The following KDM4B variants were observed in gnomAD, a reference collection of about 807,000 sequenced individuals.
KDM4B encodes lysine-specific demethylase 4B.
In KDM4B, 32 loss-of-function variants were observed where a neutral mutation model predicts 125.2. The ratio of observed to expected loss-of-function variants is 0.26; its 90% CI spans 0.19 to 0.34. The LOEUF (loss-of-function observed/expected upper bound fraction) is 0.34, where lower values mean the gene tolerates loss of function less well. KDM4B is among the 10% of genes least tolerant of loss of function. The probability of loss-of-function intolerance (pLI) is 1.00; values close to 1 mark genes in which losing one functional copy is unlikely to be tolerated. For missense variants in KDM4B, 1,190 were observed against 1,577.7 expected, an observed-to-expected ratio of 0.75 and a Z score of 4.16; for synonymous variants, 721 against 677.9, an observed-to-expected ratio of 1.06 and a Z score of -0.99.
In KDM4B at chr19:5,081,120, C is replaced by G. The variant is rs1248813441; in HGVS notation, c.781-1247C>G. 3.3e-5 allele frequency: 5 copies of G among 152,182 alleles called. No homozygotes were observed. The highest frequency in any genetic ancestry group is 3.3e-4 in the Admixed American group (5 of 15,280). The allele number at this position is 152,182 out of a possible 1,614,324, so 9.4% of individuals were successfully genotyped here. A position where few individuals can be genotyped will look rare whatever the true frequency, so the allele number is the denominator to read the frequency against. On this transcript the variant is annotated intron_variant, in intron 8 of 22. Transcript: ENST00000159111. The surrounding 1 kb of genome is among the most constrained non-coding windows in gnomAD (Gnocchi z 4.2). ...TCTGGATCAGTGGTTACGCCCAGAA[C>G]TCCGAGCAGCCTGTGATCCCTGCGT...
chr19:5,039,741 G>A (rs907009994), intron 3 of KDM4B, 95 bp from the exon 4 acceptor site: 3 of 1,387,794 alleles, frequency 2.2e-6, no homozygotes, highest in African/African-American at 2.9e-5. Flanking sequence ...AGATCTTGGG[G>A]GGTGCTGGTC....
At chr19:5,031,395 G>A (rs907279411) in intron 2 of KDM4B, among the ~76,000 whole-genome samples, 1 of 152,240 alleles carries the variant, frequency 6.6e-6, no homozygotes, top group Admixed American at 6.5e-5. Flanking sequence ...ACGTGGTCAC[G>A]TGCCGTGCAC....
At chr19:5,123,129 GC>G (rs1349855963) in intron 11 of KDM4B, among the ~76,000 whole-genome samples, 2 of 152,240 alleles carry the variant, frequency 1.3e-5, no homozygotes, top group Admixed American at 6.5e-5. Flanking sequence ...ACCCTCGTCT[GC>G]CCTGGAGGCA....
chr19:4,988,732 G>GT (rs1466453588), intron 1 of KDM4B, among the ~76,000 whole-genome samples: 2 of 152,176 alleles, frequency 1.3e-5, no homozygotes, highest in Non-Finnish European at 2.9e-5. Flanking sequence ...AGAGGGTTCC[G>GT]TGCTCTCCCC....
Position 5,047,514 on chromosome 19 carries a change from C to T in KDM4B, c.471C>T (p.Ile157=). ...GGAACATCGGGAGCCTCCGGACCAT[C>T]CTGGACATGGTGGAGCGCGAGTGCG... ...AQWNIGSLRT[I]LDMVERECGT... is the part of the protein sequence containing the mutation. The change falls in exon 6 of 23, where the codon ATC becomes ATT. Residue 157 remains isoleucine (I), a synonymous_variant. Transcript: ENST00000159111. 6.2e-7 allele frequency: 1 copy of T among 1,613,538 alleles called. No homozygotes were observed. The highest frequency in any genetic ancestry group is 1.1e-5 in the South Asian group (1 of 91,078).
At chr19:4,975,307 G>A (rs1313232882) in intron 1 of KDM4B, among the ~76,000 whole-genome samples, 7 of 152,140 alleles carry the variant, frequency 4.6e-5, no homozygotes, top group Non-Finnish European at 8.8e-5. Context: ...GGACACAAAC[G>A]TGAATTCCGT....
intron 2 of KDM4B, among the ~76,000 whole-genome samples, chr19:5,025,683 G>A (rs1176545035): frequency 2.0e-5 from 3 of 152,124 alleles, no homozygotes; most frequent in Admixed American, 2.0e-4. Context: ...CGGCCTCTGG[G>A]GCCTTAGCTC....
At chr19:5,138,788 G>T (rs1225605408) in intron 18 of KDM4B, among the ~76,000 whole-genome samples, 2 of 152,240 alleles carry the variant, frequency 1.3e-5, no homozygotes, top group Non-Finnish European at 2.9e-5. Context: ...CACCCGTCCT[G>T]TATAACTGAC....
chr19:5,057,369 G>A (rs775688005), intron 6 of KDM4B, among the ~76,000 whole-genome samples: 3 of 152,204 alleles, frequency 2.0e-5, no homozygotes, highest in Non-Finnish European at 2.9e-5. Context: ...TGGTGGCAGT[G>A]CACTCATTGT....
At position 5,137,948 on chromosome 19, in the gene KDM4B, A is replaced by T. The variant is rs775574989; in HGVS notation, c.2442-14A>T. 8 of 1,607,030 alleles carry T rather than the reference A, an allele frequency of 5.0e-6. No individual in the cohort carries two copies. The highest frequency in any genetic ancestry group is 6.8e-6 in the Non-Finnish European group (8 of 1,176,366). ...TCAGAGGCGCACCTGACCCCGCTGC[A>T]CCTGCCCTCCCAGGTGGATCCACGT... On this transcript the variant is annotated splice_polypyrimidine_tract_variant and intron_variant, in intron 17 of 22. Coordinates refer to ENST00000159111, the MANE Select transcript of KDM4B (RefSeq NM_015015.3).
At chr19:5,072,566 TGAAA>T (rs1274596132) in intron 7 of KDM4B, among the ~76,000 whole-genome samples, 1 of 152,238 alleles carries the variant, frequency 6.6e-6, no homozygotes, top group African/African-American at 2.4e-5. Flanking sequence ...ACTAAAGCTG[TGAAA>T]GAAAAGCTAG....
chr19:5,057,063 T>TGTGTGTGTGTGCGTGC (rs1555701553), intron 6 of KDM4B, among the ~76,000 whole-genome samples: 1 of 134,364 alleles, frequency 7.4e-6, no homozygotes, highest in African/African-American at 2.8e-5. Flanking sequence ...TGTGTGTGTG[T>TGTGTGTGTGTGCGTGC]GTGCGCGCGC....
intron 5 of KDM4B, among the ~76,000 whole-genome samples, chr19:5,043,283 GGTGTCC>G (rs1450413383): frequency 4.0e-5 from 6 of 150,198 alleles, no homozygotes; most frequent in Admixed American, 2.7e-4. Context: ...TCGGAGTGGG[GGTGTCC>G]ACCTTATCCC....
chr19:5,022,938 T>C (rs1458384724), intron 2 of KDM4B, among the ~76,000 whole-genome samples: 1 of 152,154 alleles, frequency 6.6e-6, no homozygotes, highest in Non-Finnish European at 1.5e-5. Context: ...ATTTCCCACA[T>C]GGCAGTCGTG....
chr19:5,087,098 T>G (rs1306307942), intron 9 of KDM4B, among the ~76,000 whole-genome samples: 1 of 152,138 alleles, frequency 6.6e-6, no homozygotes, highest in African/African-American at 2.4e-5. Flanking sequence ...AGCTCACAGG[T>G]GGGATGGAGC....
chr19:5,150,253 C>G (rs2039923112), intron 21 of KDM4B, 105 bp from the exon 22 acceptor site: 1 of 842,044 alleles, frequency 1.2e-6, no homozygotes, highest in African/African-American at 1.7e-5. Flanking sequence ...TAGCGGGCCC[C>G]ATGCACCCAA....
Position 4,971,947 on chromosome 19 carries a change from C to T in KDM4B, c.-109+2717C>T, listed in dbSNP as rs1021334407. Among the ~76,000 whole-genome samples the T allele has an allele frequency of 8.3e-5, 6 of 72,686 alleles. No individual in the cohort carries two copies. Among genetic ancestry groups the T allele is most frequent in the African/African-American group, 3.2e-4 (6 of 18,732 alleles). 47.7% of individuals were successfully genotyped at this position (72,686 alleles called of 152,430 possible). A position where few individuals can be genotyped will look rare whatever the true frequency, so the allele number is the denominator to read the frequency against. Reference sequence around the variant, plus strand: ...AGAGCAGATGAACAGGGTGGGGGCTCGGGGCGGGGGGAGCTCCGCAGGCCT... The same window carrying T: ...AGAGCAGATGAACAGGGTGGGGGCTTGGGGCGGGGGGAGCTCCGCAGGCCT... On this transcript the variant is annotated intron_variant, in intron 1 of 22. Coordinates refer to ENST00000159111, the MANE Select transcript of KDM4B (RefSeq NM_015015.3). The surrounding 1 kb of genome is among the most constrained non-coding windows in gnomAD (Gnocchi z 4.1).
chr19:5,037,802 G>T (rs577770290), intron 3 of KDM4B, among the ~76,000 whole-genome samples: 4 of 152,188 alleles, frequency 2.6e-5, no homozygotes, highest in Admixed American at 2.6e-4. Flanking sequence ...GTGTCCCCTG[G>T]GGGACAAGAC....
intron 7 of KDM4B, among the ~76,000 whole-genome samples, chr19:5,073,264 G>A (rs2038003168): frequency 6.6e-6 from 1 of 152,230 alleles, no homozygotes; most frequent in Non-Finnish European, 1.5e-5. Context: ...GCACCTGTGG[G>A]CTCCTTGTCT....
Sources: gnomAD v4.1 joint callset for allele counts (sites outside exome capture counted in the v4.1 genomes callset) on GRCh38, gnomAD v4.1.1 for gene constraint, Gnocchi (gnomAD v3.1) non-coding constraint, MANE v1.5 for transcripts, NCBI Gene and HGNC (gene_info 2026-07-23, HGNC 2026-07-21) for gene names.